The following ARFGAP1 variants were observed in gnomAD, a reference collection of about 807,000 sequenced individuals.
ARFGAP1 encodes the protein ARF GTPase activating protein 1.
A neutral mutation model predicts 54.0 loss-of-function variants in ARFGAP1; 26 were observed. The observed-to-expected ratio is 0.48, with a 90% confidence interval of 0.35 to 0.67. The LOEUF (loss-of-function observed/expected upper bound fraction) is 0.67. ARFGAP1 is among the 30% of genes least tolerant of loss of function. The pLI is 0.00. For missense variants in ARFGAP1, 525 were observed against 535.8 expected, an observed-to-expected ratio of 0.98 and a Z score of 0.20; for synonymous variants, 248 against 211.9, an observed-to-expected ratio of 1.17 and a Z score of -1.48.
intron 9 of ARFGAP1, chr20:63,283,525 G>T: frequency 2.7e-6 from 1 of 376,544 alleles, no homozygotes; most frequent in Non-Finnish European, 4.8e-6. Context: ...TTTCTCACGA[G>T]GTGCCCATCC....
At chr20:63,283,822 C>G in intron 9 of ARFGAP1, 1 of 1,613,332 alleles carries the variant, frequency 6.2e-7, no homozygotes, top group South Asian at 1.1e-5. Context: ...TTGCTCTCTC[C>G]TCACCTGTCT....
intron 9 of ARFGAP1, chr20:63,283,891 T>G (rs929606293): frequency 1.9e-6 from 3 of 1,613,432 alleles, no homozygotes; most frequent in Non-Finnish European, 2.5e-6. Flanking sequence ...GTAAAGCCCG[T>G]GTCTGCTCGT....
At chr20:63,286,070 T>G in intron 11 of ARFGAP1, 1 of 1,549,984 alleles carries the variant, frequency 6.5e-7, no homozygotes, top group Admixed American at 2.0e-5. Flanking sequence ...TGAGGCGCTC[T>G]GCGGACAGAC....
At position 63,289,757 on chromosome 20, in the gene ARFGAP1, G is replaced by C. The variant is rs1276864123; in HGVS notation, c.*1884G>C. ...GGGCCCAGGTGGAAGGCGCGGACCT[G>C]ACAGCATTCCAATAAAGCATACGGG... On this transcript the variant is annotated 3_prime_UTR_variant, in exon 13 of 13. Transcript: ENST00000370283. The C allele has an allele frequency of 6.6e-6, 1 of 152,334 alleles. No individual in the cohort carries two copies. The highest frequency in any genetic ancestry group is 1.5e-5 in the Non-Finnish European group (1 of 68,112). 9.4% of individuals were successfully genotyped at this position (152,334 alleles called of 1,614,324 possible).
chr20:63,286,431 C>A lies in ARFGAP1; in HGVS notation c.900C>A (p.Gly300=). The A allele has an allele frequency of 6.2e-7, 1 of 1,613,402 alleles. No homozygotes were observed. Among genetic ancestry groups the A allele is most frequent in the South Asian group, 1.1e-5 (1 of 91,074 alleles). Residue 300 remains glycine (G), a synonymous_variant, in exon 12 of 13, where the codon GGC becomes GGA. Transcript: ENST00000370283. ...VTTFFSGKAE[G]PLDSPSEGHS... ...CCTTTTTTTCGGGGAAAGCAGAGGG[C>A]CCCTTGGACAGGTATGCTGTGTCCC... is the stretch of plus-strand genomic sequence containing the variant.
In ARFGAP1 at chr20:63,273,539, A is replaced by G. The variant is rs560283416; in HGVS notation, c.-5+619A>G. On this transcript the variant is annotated intron_variant, in intron 1 of 12. Coordinates refer to ENST00000370283, the MANE Select transcript of ARFGAP1 (RefSeq NM_018209.4). ...AGGAGGTATTTGCTTTCGTGTTACTAACTTTAACATTTCAGGGAACTAGGG... is the reference window on the plus strand; with the variant it reads ...AGGAGGTATTTGCTTTCGTGTTACTGACTTTAACATTTCAGGGAACTAGGG... The G allele has an allele frequency of 5.9e-5, 9 of 152,354 alleles. No individual in the cohort carries two copies. The South Asian group carries it at 1.7e-3, about 28-fold the overall frequency. The allele number at this position is 152,354 out of a possible 1,614,324, so 9.4% of individuals were successfully genotyped here. A position where few individuals can be genotyped will look rare whatever the true frequency, so the allele number is the denominator to read the frequency against.
Position 63,287,627 on chromosome 20 carries a change from C to T in ARFGAP1, c.975C>T (p.Asp325=). 1 of 1,612,614 alleles carries T rather than the reference C, an allele frequency of 6.2e-7. No individual in the cohort carries two copies. The highest frequency in any genetic ancestry group is 2.2e-5 in the East Asian group (1 of 44,860). ...ACCACTTCCAAAACAGCAACATAGA[C>T]CAGAGCTTCTGGGAGACCTTTGGAA... ...GLDHFQNSNI[D]QSFWETFGSA... The change falls in exon 13 of 13, where the codon GAC becomes GAT. Residue 325 remains aspartate, a synonymous_variant. Transcript: ENST00000370283.
In ARFGAP1 at chr20:63,277,253, G is replaced by A. The variant is rs763226464; in HGVS notation, c.391G>A (p.Ala131Thr). Residue 131 changes from alanine (A) to threonine (T), a missense_variant, in exon 5 of 13, where the codon GCC becomes ACC. Ala to Thr is a moderately conservative substitution (Grantham distance 58). This residue lies in a region of ARFGAP1 where 466 missense variants were observed against 453.6 expected (regional missense o/e 1.03). Transcript: ENST00000370283. ...AGAGTGGTCTCTGGAGTCATCACCT[G>A]CCCAGAACTGGACCCCACCTCAGCC... is the stretch of plus-strand genomic sequence containing the variant. ...GREWSLESSPAQNWTPPQPRT... is the reference protein window; with the variant it reads ...GREWSLESSPTQNWTPPQPRT... 1.2e-6 allele frequency: 2 copies of A among 1,613,100 alleles called. No individual in the cohort carries two copies. Among genetic ancestry groups the A allele is most frequent in the Admixed American group, 1.7e-5 (1 of 60,010 alleles).
At chr20:63,283,304 A>G (rs2067435665) in intron 9 of ARFGAP1, 1 of 206,196 alleles carries the variant, frequency 4.8e-6, no homozygotes, top group Non-Finnish European at 9.7e-6. Flanking sequence ...GTGTGGCCTC[A>G]GGCCTTTGCA....
Position 63,278,828 on chromosome 20 carries a change from A to C in ARFGAP1, c.531-71A>C. ...CAGAGCCCCAGCCTTGCCTGTGTTC[A>C]GGGCCCCACGCCCTCGGGAGGAGCA... On this transcript the variant is annotated intron_variant, in intron 6 of 12. Transcript: ENST00000370283. The C allele has an allele frequency of 3.3e-6, 5 of 1,502,116 alleles. No individual in the cohort carries two copies. In the South Asian group the frequency reaches 3.4e-5, roughly 10 times the overall value. 93.0% of individuals were successfully genotyped at this position (1,502,116 alleles called of 1,614,324 possible).
intron 1 of ARFGAP1, among the ~76,000 whole-genome samples, chr20:63,275,226 A>T (rs867303495): frequency 2.0e-5 from 3 of 152,210 alleles, no homozygotes; most frequent in Non-Finnish European, 4.4e-5. Context: ...GTGTATTTTT[A>T]AAGACTACCC....
chr20:63,277,073 C>T (rs562673246), intron 4 of ARFGAP1, 132 bp from the exon 5 acceptor site: 11 of 700,258 alleles, frequency 1.6e-5, no homozygotes, highest in East Asian at 2.7e-5. Flanking sequence ...CAGGGGCCGT[C>T]GAGGGGGCCG....
At chr20:63,277,339 C>G (rs773321976) in intron 5 of ARFGAP1, 34 bp downstream of exon 5, 3 of 1,575,370 alleles carry the variant, frequency 1.9e-6, no homozygotes, top group African/African-American at 2.7e-5. Flanking sequence ...AGTACAGTTT[C>G]CACTGGGTCC....
intron 6 of ARFGAP1, 115 bp downstream of exon 6, chr20:63,278,318 C>A: frequency 9.4e-7 from 1 of 1,060,502 alleles, no homozygotes; most frequent in Non-Finnish European, 1.4e-6. Flanking sequence ...GGGACCCAGG[C>A]ATGCGCGGTG....
Position 63,287,734 on chromosome 20 carries a change from C to CA in ARFGAP1, c.1082_1083insA (p.Asp362GlyfsTer37), listed in dbSNP as rs762176831. On this transcript the variant is annotated frameshift_variant, in exon 13 of 13. Transcript: ENST00000370283. LOFTEE classifies it low-confidence loss of function (END_TRUNC). ...GACACCTCCACCGAGAGGAGGAGCT[C>CA]GGACAGCTGGGAGGTGTGGGGCTCG... is the stretch of plus-strand genomic sequence containing the variant. 3.7e-6 allele frequency: 6 copies of CA among 1,610,576 alleles called. No individual in the cohort carries two copies. In the South Asian group the frequency reaches 6.6e-5, roughly 18 times the overall value.
rs146462015 is a variant in ARFGAP1 at position 63,276,980 on chromosome 20, C to G, written c.343-225C>G. On this transcript the variant is annotated intron_variant, in intron 4 of 12. Transcript: ENST00000370283. The surrounding 1 kb of genome is among the most constrained non-coding windows in gnomAD (Gnocchi z 5.2). ...CCCCCTGTGTTGGAAGTTGGAGCTG[C>G]ACCAACTAGGAGCTCCCCAGCACTG... Among the ~76,000 whole-genome samples the G allele has an allele frequency of 2.0e-3, 308 of 152,318 alleles. 2 individuals are homozygous for G. The highest frequency in any genetic ancestry group is 6.9e-3 in the African/African-American group (288 of 41,570).
At chr20:63,278,843 C>G (rs1209553246) in intron 6 of ARFGAP1, 56 bp from the exon 7 acceptor site, 1 of 1,582,116 alleles carries the variant, frequency 6.3e-7, no homozygotes, top group East Asian at 2.2e-5. Context: ...CCCACGCCCT[C>G]GGGAGGAGCA....
At chr20:63,279,126 C>T in intron 7 of ARFGAP1, 131 bp downstream of exon 7, 1 of 923,388 alleles carries the variant, frequency 1.1e-6, no homozygotes, top group Non-Finnish European at 1.7e-6. Context: ...GGACCCCTCC[C>T]TTACCTTCAG....
Position 63,276,249 on chromosome 20 carries a change from G to A in ARFGAP1, c.170+49G>A, listed in dbSNP as rs376780887. On this transcript the variant is annotated intron_variant, in intron 3 of 12. Transcript: ENST00000370283. This position sits in a 1 kb window ranked among gnomAD's most constrained non-coding sequence, Gnocchi z 5.2. Reference sequence around the variant, plus strand: ...CTGCGGAGAGCCTGCGGCCACCCCAGCATCTGTTCCTGACACCAGAGGTGC... The same window carrying A: ...CTGCGGAGAGCCTGCGGCCACCCCAACATCTGTTCCTGACACCAGAGGTGC... The A allele has an allele frequency of 4.4e-6, 7 of 1,597,356 alleles. No homozygotes were observed. Among genetic ancestry groups the A allele is most frequent in the Non-Finnish European group, 5.1e-6 (6 of 1,166,384 alleles).
Sources: gnomAD v4.1 joint callset for allele counts (sites outside exome capture counted in the v4.1 genomes callset) on GRCh38, gnomAD v4.1.1 for gene constraint, gnomAD v4.1.1 regional missense constraint, Gnocchi (gnomAD v3.1) non-coding constraint, MANE v1.5 for transcripts, NCBI Gene and HGNC (gene_info 2026-07-23, HGNC 2026-07-21) for gene names.